MYB: variants seen among roughly 807,000 people sequenced by gnomAD.
MYB encodes transcriptional activator Myb.
Under a neutral mutation model 92.9 loss-of-function variants are expected in MYB, and 28 were observed. The ratio of observed to expected loss-of-function variants is 0.30; its 90% CI spans 0.22 to 0.41. The LOEUF (loss-of-function observed/expected upper bound fraction) is 0.41. Ranked by LOEUF, MYB falls within the 10% of genes least tolerant of loss-of-function variation. MYB has a pLI of 1.00. For synonymous variants in MYB, 295 were observed against 329.1 expected (o/e 0.90, Z 1.12); for missense variants, 679 against 929.3 (o/e 0.73, Z 3.50).
At chr6:135,202,662 C>A (rs1485325845) in intron 14 of MYB, 2 of 258,812 alleles carry the variant, frequency 7.7e-6, no homozygotes, top group South Asian at 7.9e-5. Flanking sequence ...GCCACCGCGC[C>A]CGGCCAGGTG....
At position 135,217,898 on chromosome 6, in the gene MYB, G is replaced by A. The variant is rs776655417; in HGVS notation, c.2204G>A (p.Gly735Glu). 1.2e-6 allele frequency: 2 copies of A among 1,613,278 alleles called. No individual in the cohort carries two copies. The highest frequency in any genetic ancestry group is 1.7e-6 in the Non-Finnish European group (2 of 1,179,440). ...AGTACCTGGGAACCTGCATCCTGTG[G>A]AAAGATGGAGGAGCAGATGACATCT... ...CSSTWEPASC[G>E]KMEEQMTSSS... Residue 735 changes from glycine (G) to glutamate (E), a missense_variant, in exon 16 of 16, where the codon GGA (glycine) becomes GAA (glutamate). By Grantham distance (98) the Gly-to-Glu change is moderately conservative. Transcript: ENST00000341911.
intron 2 of MYB, 30 bp downstream of exon 2, chr6:135,186,050 AATAG>A (rs145073120): frequency 1.2e-4 from 190 of 1,580,568 alleles, no homozygotes; most frequent in Non-Finnish European, 1.5e-4. Context: ...AGACGCAGAA[AATAG>A]ATAGAGTGTA....
At chr6:135,204,923 C>T (rs1213552697) in intron 15 of MYB, among the ~76,000 whole-genome samples, 1 of 152,106 alleles carries the variant, frequency 6.6e-6, no homozygotes, top group Non-Finnish European at 1.5e-5. Context: ...GCCTGGCCAA[C>T]ACGGTGAAAC....
chr6:135,184,448 C>T (rs1775659133), intron 1 of MYB, among the ~76,000 whole-genome samples: 1 of 149,044 alleles, frequency 6.7e-6, no homozygotes. Context: ...TTTCAAAACA[C>T]AGACACTAAA....
At chr6:135,200,050 T>G in intron 11 of MYB, 35 bp from the exon 12 acceptor site, 1 of 1,491,488 alleles carries the variant, frequency 6.7e-7, no homozygotes, top group South Asian at 1.1e-5. Context: ...CATTTATTCT[T>G]TTGTATTGAG....
In MYB at chr6:135,197,269, C is replaced by G; in HGVS notation, c.1512C>G (p.Ser504Arg). Residue 504 changes from serine (S) to arginine (R), a missense_variant, in exon 10 of 16, where the codon AGC becomes AGG. Ser to Arg is a moderately radical substitution (Grantham distance 110). Around this residue, in one of 8 missense-constraint regions of MYB, gnomAD observed 402 missense variants for 434.2 expected, o/e 0.93. Coordinates refer to ENST00000341911, the MANE Select transcript of MYB (RefSeq NM_001130173.2). ...DCSSFIFADV[S>R]SSTPKRSPVK... ...GCTCCTTCATATTTGCTGACGTCAGCAGTTCAACTCCCAAGCGTTCCCCTG... is the reference window on the plus strand; with the variant it reads ...GCTCCTTCATATTTGCTGACGTCAGGAGTTCAACTCCCAAGCGTTCCCCTG... 6.2e-7 allele frequency: 1 copy of G among 1,613,868 alleles called. No individual in the cohort carries two copies. Among genetic ancestry groups the G allele is most frequent in the Non-Finnish European group, 8.5e-7 (1 of 1,179,818 alleles).
intron 6 of MYB, 73 bp downstream of exon 6, chr6:135,192,631 C>T: frequency 7.1e-7 from 1 of 1,413,808 alleles, no homozygotes; most frequent in Non-Finnish European, 1.0e-6. Flanking sequence ...TCATACTTTG[C>T]AGTTGTATAC....
chr6:135,182,344 G>C lies in MYB; in HGVS notation c.23+808G>C, dbSNP rs996735436. Among the ~76,000 whole-genome samples, 2 of 152,176 alleles carry C rather than the reference G, an allele frequency of 1.3e-5. No homozygotes were observed. The highest frequency in any genetic ancestry group is 4.8e-5 in the African/African-American group (2 of 41,450). On this transcript the variant is annotated intron_variant, in intron 1 of 15. Transcript: ENST00000341911. This position sits in a 1 kb window ranked among gnomAD's most constrained non-coding sequence, Gnocchi z 5.6. ...TCCTCGTCCGAACTGTCAGTTGCTCGTTCCCCAGTCTCCACCGGCCTCTGG... is the reference window on the plus strand; with the variant it reads ...TCCTCGTCCGAACTGTCAGTTGCTCCTTCCCCAGTCTCCACCGGCCTCTGG...
intron 6 of MYB, 72 bp downstream of exon 6, chr6:135,192,630 G>A: frequency 7.0e-7 from 1 of 1,435,202 alleles, no homozygotes; most frequent in Non-Finnish European, 9.8e-7. Context: ...ATCATACTTT[G>A]CAGTTGTATA....
At chr6:135,195,426 G>A in intron 8 of MYB, 1 of 321,250 alleles carries the variant, frequency 3.1e-6, no homozygotes, top group Non-Finnish European at 5.8e-6. Flanking sequence ...AGCATTTATG[G>A]ACCTTTGGCA....
intron 2 of MYB, among the ~76,000 whole-genome samples, chr6:135,187,413 G>A (rs1776065257): frequency 6.6e-6 from 1 of 152,094 alleles, no homozygotes; most frequent in Admixed American, 6.5e-5. Context: ...TTTCCTAACA[G>A]AGTAAAGCAG....
At chr6:135,217,608 A>G (rs985349259) in intron 15 of MYB, among the ~76,000 whole-genome samples, 1 of 152,184 alleles carries the variant, frequency 6.6e-6, no homozygotes, top group African/African-American at 2.4e-5. Context: ...TAATAGACGG[A>G]AGGCATTAAA....
chr6:135,216,575 C>G (rs931719468), intron 15 of MYB, among the ~76,000 whole-genome samples: 1 of 152,152 alleles, frequency 6.6e-6, no homozygotes, highest in African/African-American at 2.4e-5. Context: ...GTTCAATACA[C>G]AGCAATTATT....
chr6:135,183,842 A>C (rs1320558038), intron 1 of MYB, among the ~76,000 whole-genome samples: 1 of 152,204 alleles, frequency 6.6e-6, no homozygotes, highest in Non-Finnish European at 1.5e-5. Flanking sequence ...TGGCATGGTC[A>C]TGTATTAGCG....
At chr6:135,187,728 CT>C (rs1438813974) in intron 2 of MYB, 105 bp from the exon 3 acceptor site, 2 of 663,418 alleles carry the variant, frequency 3.0e-6, no homozygotes, top group Admixed American at 2.7e-5. Context: ...TATTCGGATA[CT>C]TTAGAGAGAC....
Position 135,193,842 on chromosome 6 carries a change from C to G in MYB, c.767C>G (p.Ser256Cys). The G allele has an allele frequency of 6.2e-7, 1 of 1,610,318 alleles. No homozygotes were observed. The highest frequency in any genetic ancestry group is 1.7e-5 in the Admixed American group (1 of 59,990). The change falls in exon 7 of 16, where the codon TCC (serine) becomes TGC (cysteine). Residue 256 changes from serine to cysteine, a missense_variant. Transcript: ENST00000341911. ...YYHISEAQNVSSHVPYPVALH... is the reference protein window; with the variant it reads ...YYHISEAQNVCSHVPYPVALH... The stretch of plus-strand genomic sequence containing the variant: ...TGTTTTGTCTTTTGCATCTAGGTCT[C>G]CAGTCATGTTCCATACCCTGTAGCG...
At chr6:135,194,984 G>A in intron 8 of MYB, 1 of 1,340,034 alleles carries the variant, frequency 7.5e-7, no homozygotes, top group Non-Finnish European at 9.8e-7. Context: ...ACTGAATTCT[G>A]ACATCTTTAG....
chr6:135,188,573 G>T (rs1466590435), intron 3 of MYB, among the ~76,000 whole-genome samples: 1 of 149,358 alleles, frequency 6.7e-6, no homozygotes, highest in African/African-American at 2.5e-5. Flanking sequence ...GCAGTGGCAC[G>T]ATCTCAGCTC....
At chr6:135,195,357 C>CAT in intron 8 of MYB, 1 of 177,542 alleles carries the variant, frequency 5.6e-6, no homozygotes, top group East Asian at 1.5e-4. Context: ...CCTGAGTCCT[C>CAT]TAGCTTTTTT....
Sources: allele counts gnomAD v4.1 joint callset (sites outside exome capture counted in the v4.1 genomes callset), GRCh38; gene constraint gnomAD v4.1.1; regional missense constraint gnomAD v4.1.1; non-coding constraint Gnocchi (gnomAD v3.1); transcripts MANE v1.5; gene names NCBI Gene and HGNC (gene_info 2026-07-23, HGNC 2026-07-21).